IL1RAPL2: variants seen among roughly 807,000 people sequenced by gnomAD.
IL1RAPL2 encodes interleukin 1 receptor accessory protein like 2.
IL1RAPL2 carries 3 observed loss-of-function variants against 44.1 expected under a neutral mutation model. That is an observed-to-expected ratio of 0.07 (90% CI 0.03 to 0.18). The LOEUF (loss-of-function observed/expected upper bound fraction) is 0.18, where lower values mean the gene tolerates loss of function less well. IL1RAPL2 is among the 10% of genes least tolerant of loss of function. The pLI, the probability that IL1RAPL2 is intolerant of heterozygous loss-of-function variation, is 1.00. For synonymous variants in IL1RAPL2, 181 were observed against 178.8 expected (o/e 1.01, Z -0.10); for missense variants, 391 against 496.4 (o/e 0.79, Z 2.02).
chrX:104,659,801 G>A (rs182585793), intron 2 of IL1RAPL2, among the ~76,000 whole-genome samples: 6 of 111,779 alleles, frequency 5.4e-5, no homozygotes, highest in African/African-American at 1.9e-4. Flanking sequence ...AGAATTAAAT[G>A]TATTTGCTTT....
chrX:105,428,017 T>C (rs1479885428), intron 5 of IL1RAPL2, among the ~76,000 whole-genome samples: 3 of 111,677 alleles, frequency 2.7e-5, no homozygotes, highest in Non-Finnish European at 3.8e-5. Flanking sequence ...GAAAATAAAA[T>C]AGAAATTGTG....
chrX:105,500,455 A>G (rs2036386178), intron 6 of IL1RAPL2, among the ~76,000 whole-genome samples: 1 of 111,337 alleles, frequency 9.0e-6, no homozygotes, highest in South Asian at 3.7e-4. Context: ...CTTGTCTTAT[A>G]TAATGTGCCA....
intron 2 of IL1RAPL2, among the ~76,000 whole-genome samples, chrX:104,708,410 G>A (rs754438449): frequency 5.4e-5 from 6 of 110,581 alleles, no homozygotes; most frequent in Non-Finnish European, 5.7e-5. Context: ...TAATATTTGC[G>A]CTAGGCCCTT....
At chrX:105,538,032 C>CTTTT (rs1191360462) in intron 6 of IL1RAPL2, among the ~76,000 whole-genome samples, 182 of 80,683 alleles carry the variant, frequency 2.3e-3, no homozygotes, top group African/African-American at 8.0e-3. Context: ...ATTTTCCCTT[C>CTTTT]TTTTTTTTTT....
At chrX:105,024,447 G>A (rs957409109) in intron 2 of IL1RAPL2, among the ~76,000 whole-genome samples, 7 of 110,861 alleles carry the variant, frequency 6.3e-5, no homozygotes, top group African/African-American at 2.3e-4. Context: ...GATAACTATC[G>A]AGCACAGATA....
intron 2 of IL1RAPL2, among the ~76,000 whole-genome samples, chrX:104,894,712 T>C (rs1923583391): frequency 8.9e-6 from 1 of 112,115 alleles, no homozygotes; most frequent in African/African-American, 3.2e-5. Flanking sequence ...GGTTTTTAGC[T>C]TCTTTGCAAT....
chrX:104,797,185 GCCCCCCCC>G (rs368534416), intron 2 of IL1RAPL2, among the ~76,000 whole-genome samples: 2 of 23,897 alleles, frequency 8.4e-5, no homozygotes, highest in African/African-American at 6.1e-4. Context: ...GATCTCTTCA[GCCCCCCCC>G]CCCCCCCCGC....
intron 2 of IL1RAPL2, among the ~76,000 whole-genome samples, chrX:105,066,477 T>A (rs1452853308): frequency 3.6e-5 from 4 of 111,413 alleles, no homozygotes; most frequent in Non-Finnish European, 7.5e-5. Context: ...GATGGAGAAG[T>A]GTATTTTGTC....
chrX:104,976,483 T>TA (rs1261354710), intron 2 of IL1RAPL2, among the ~76,000 whole-genome samples: 2 of 111,645 alleles, frequency 1.8e-5, no homozygotes, highest in Non-Finnish European at 3.8e-5. Context: ...ATAAATAAAG[T>TA]AACAATAGGA....
At chrX:104,828,712 C>T (rs1325829593) in intron 2 of IL1RAPL2, among the ~76,000 whole-genome samples, 1 of 112,606 alleles carries the variant, frequency 8.9e-6, no homozygotes, top group African/African-American at 3.2e-5. Context: ...TTTAAGTCTG[C>T]TGAAGCTGTG....
intron 6 of IL1RAPL2, among the ~76,000 whole-genome samples, chrX:105,613,996 A>T (rs1488042619): frequency 9.0e-6 from 1 of 111,681 alleles, no homozygotes; most frequent in African/African-American, 3.3e-5. Context: ...CAGGATACAA[A>T]ATCAACATGC....
chrX:105,053,528 T>G (rs938073870), intron 2 of IL1RAPL2, among the ~76,000 whole-genome samples: 1 of 111,065 alleles, frequency 9.0e-6, no homozygotes, highest in Non-Finnish European at 1.9e-5. Context: ...TTATAGCTAG[T>G]AAGTGATTGA....
intron 2 of IL1RAPL2, among the ~76,000 whole-genome samples, chrX:104,997,227 A>G (rs1290704297): frequency 3.6e-5 from 4 of 112,109 alleles, no homozygotes; most frequent in African/African-American, 6.5e-5. Context: ...TTTAGTATGG[A>G]AACAGGAATG....
At chrX:104,669,209 T>G (rs1261717124) in intron 2 of IL1RAPL2, among the ~76,000 whole-genome samples, 1 of 111,739 alleles carries the variant, frequency 8.9e-6, no homozygotes, top group Non-Finnish European at 1.9e-5. Flanking sequence ...AACTTTCCTA[T>G]TCTTTGATAG....
chrX:104,964,317 T>TTTTA (rs1569352441), intron 2 of IL1RAPL2, among the ~76,000 whole-genome samples: 1 of 105,370 alleles, frequency 9.5e-6, no homozygotes, highest in African/African-American at 3.5e-5. Flanking sequence ...TATTTATTTA[T>TTTTA]TTTATTTATT....
intron 6 of IL1RAPL2, among the ~76,000 whole-genome samples, chrX:105,586,569 T>C (rs967824428): frequency 8.9e-5 from 10 of 111,791 alleles, no homozygotes; most frequent in African/African-American, 3.3e-4. Context: ...AATCTGTACC[T>C]GTGATTAAGG....
chrX:104,615,883 G>A (rs1026932668), intron 1 of IL1RAPL2, among the ~76,000 whole-genome samples: 2 of 112,020 alleles, frequency 1.8e-5, no homozygotes, highest in African/African-American at 6.5e-5. Flanking sequence ...AACCTCACCA[G>A]CATCTGTTGT....
intron 2 of IL1RAPL2, among the ~76,000 whole-genome samples, chrX:104,923,150 T>G (rs1924687475): frequency 8.9e-6 from 1 of 111,852 alleles, no homozygotes. Flanking sequence ...GAGAAAAGTA[T>G]GATTATGTAA....
intron 6 of IL1RAPL2, among the ~76,000 whole-genome samples, chrX:105,676,607 G>A (rs1181463361): frequency 8.9e-6 from 1 of 111,927 alleles, no homozygotes; most frequent in East Asian, 2.8e-4. Flanking sequence ...GGGAATCTCT[G>A]TCACTTGAAC....
Sources: allele counts gnomAD v4.1 joint callset (sites outside exome capture counted in the v4.1 genomes callset), GRCh38; gene constraint gnomAD v4.1.1; transcripts MANE v1.5; gene names NCBI Gene and HGNC (gene_info 2026-07-23, HGNC 2026-07-21).